Variants in MECOM observed in about 807,000 individuals in gnomAD.
The protein encoded by MECOM is histone-lysine N-methyltransferase MECOM.
MECOM carries 13 observed loss-of-function variants against 116.3 expected under a neutral mutation model. That is an observed-to-expected ratio of 0.11 (90% CI 0.07 to 0.18). The LOEUF is 0.18. Among genes scored for constraint, MECOM ranks in the 10% least tolerant of loss-of-function variants. MECOM has a pLI of 1.00. For missense variants in MECOM, 1,299 were observed against 1,509.0 expected, an observed-to-expected ratio of 0.86 and a Z score of 2.31; for synonymous variants, 528 against 535.2, an observed-to-expected ratio of 0.99 and a Z score of 0.19.
intron 1 of MECOM, among the ~76,000 whole-genome samples, chr3:169,570,427 C>T (rs377752558): frequency 2.0e-5 from 3 of 152,282 alleles, no homozygotes; most frequent in East Asian, 3.9e-4. Context: ...GGAGCTCATA[C>T]CATTCCTTCT....
At chr3:169,258,774 T>G (rs1307697894) in intron 2 of MECOM, among the ~76,000 whole-genome samples, 1 of 152,246 alleles carries the variant, frequency 6.6e-6, no homozygotes, top group African/African-American at 2.4e-5. Flanking sequence ...TACAAACATT[T>G]TAAGTACCTC....
intron 1 of MECOM, among the ~76,000 whole-genome samples, chr3:169,404,588 A>T (rs1736379530): frequency 6.6e-6 from 1 of 152,226 alleles, no homozygotes. Flanking sequence ...TGGAGGGGGA[A>T]GCCCCCCAAG....
In MECOM at chr3:169,143,824, G is replaced by A. The variant is rs149547103; in HGVS notation, c.384C>T (p.Asp128=). ...KDPSYGWEIL[D]EFYNVKFCID... is the part of the protein sequence containing the mutation. ...TGCAGAACTTCACATTGTAAAATTC[G>A]TCTAAGATCTGGAGGGAAGAAGATG... The change falls in exon 3 of 17, where the codon GAC becomes GAT. Residue 128 remains aspartate (D), a synonymous_variant. Transcript: ENST00000651503. The A allele has an allele frequency of 9.3e-4, 1,486 of 1,604,482 alleles. 22 individuals carry two copies. In the Admixed American group the frequency reaches 0.022, roughly 23 times the overall value.
chr3:169,662,085 T>A (rs1487734939), intron 1 of MECOM, among the ~76,000 whole-genome samples: 1 of 152,172 alleles, frequency 6.6e-6, no homozygotes. Context: ...TGGCGGAGCA[T>A]CACACCGTGT....
chr3:169,419,536 G>A (rs552416212), intron 1 of MECOM, among the ~76,000 whole-genome samples: 1 of 152,106 alleles, frequency 6.6e-6, no homozygotes, highest in African/African-American at 2.4e-5. Flanking sequence ...GGTACCAGTG[G>A]CAAAACAGAT....
At chr3:169,510,190 G>C (rs577647349) in intron 1 of MECOM, among the ~76,000 whole-genome samples, 22 of 152,198 alleles carry the variant, frequency 1.4e-4, no homozygotes, top group African/African-American at 5.1e-4. Context: ...CACTGTAATC[G>C]ATTCTCATCA....
At chr3:169,454,423 T>A (rs115355954) in intron 1 of MECOM, among the ~76,000 whole-genome samples, 127 of 150,528 alleles carry the variant, frequency 8.4e-4, no homozygotes, top group African/African-American at 3.0e-3. Context: ...CTTTCTTAGT[T>A]ATATTTACAA....
intron 2 of MECOM, among the ~76,000 whole-genome samples, chr3:169,328,118 T>G (rs911268377): frequency 6.6e-6 from 1 of 152,194 alleles, no homozygotes; most frequent in Admixed American, 6.5e-5. Context: ...TGCACTTTGT[T>G]TGACCCGACT....
At chr3:169,630,141 A>C (rs984758829) in intron 1 of MECOM, among the ~76,000 whole-genome samples, 1 of 152,188 alleles carries the variant, frequency 6.6e-6, no homozygotes, top group South Asian at 2.1e-4. Flanking sequence ...GCTCCCTGTC[A>C]TGACCCCCTG....
intron 1 of MECOM, among the ~76,000 whole-genome samples, chr3:169,600,968 G>A (rs532185252): frequency 1.1e-3 from 175 of 152,276 alleles, no homozygotes; most frequent in Middle Eastern, 6.8e-3. Flanking sequence ...AAGATCCTAG[G>A]ACTGCAGCTA....
At chr3:169,313,521 T>C (rs1225202121) in intron 2 of MECOM, among the ~76,000 whole-genome samples, 1 of 151,972 alleles carries the variant, frequency 6.6e-6, no homozygotes, top group African/African-American at 2.4e-5. Flanking sequence ...CCCATGTACA[T>C]GGAAGGAAAT....
chr3:169,562,548 G>C (rs765474939), intron 1 of MECOM, among the ~76,000 whole-genome samples: 1 of 152,158 alleles, frequency 6.6e-6, no homozygotes, highest in Non-Finnish European at 1.5e-5. Context: ...CTTCAGCTAC[G>C]TGTATTGATG....
At chr3:169,498,716 AC>A (rs1754141625) in intron 1 of MECOM, among the ~76,000 whole-genome samples, 1 of 152,208 alleles carries the variant, frequency 6.6e-6, no homozygotes, top group Non-Finnish European at 1.5e-5. Context: ...ATAAATTTAC[AC>A]AAGAAAATCA....
chr3:169,342,153 A>G (rs376281226), intron 2 of MECOM, among the ~76,000 whole-genome samples: 23 of 152,268 alleles, frequency 1.5e-4, no homozygotes, highest in South Asian at 6.2e-4. Context: ...AGATTTCAGT[A>G]CTTATGCTGT....
intron 2 of MECOM, chr3:169,146,867 AAAT>A (rs1413876236): frequency 7.7e-6 from 8 of 1,032,308 alleles, no homozygotes; most frequent in African/African-American, 1.7e-5. Context: ...AGATGTTTAA[AAAT>A]AATAATAATA....
chr3:169,216,885 G>A lies in MECOM; in HGVS notation c.376-73053C>T, dbSNP rs147966578. On this transcript the variant is annotated intron_variant, in intron 2 of 16. Coordinates refer to ENST00000651503, the MANE Select transcript of MECOM (RefSeq NM_004991.4). Reference sequence around the variant, plus strand: ...AAACAAAAACGCACATTAAGCTATCGCCGTGGCCACCATTTACACGGAGTT... The same window carrying A: ...AAACAAAAACGCACATTAAGCTATCACCGTGGCCACCATTTACACGGAGTT... Among the ~76,000 whole-genome samples the A allele has an allele frequency of 2.7e-3, 389 of 145,316 alleles. 4 individuals carry two copies. The highest frequency in any genetic ancestry group is 9.1e-3 in the African/African-American group (363 of 39,836).
In MECOM at chr3:169,319,420, G is replaced by C. The variant is rs1406051172; in HGVS notation, c.375+61767C>G. Among the ~76,000 whole-genome samples the C allele has an allele frequency of 2.0e-5, 3 of 152,058 alleles. No individual in the cohort carries two copies. The East Asian group carries it at 5.8e-4, about 29-fold the overall frequency. On this transcript the variant is annotated intron_variant, in intron 2 of 16. Transcript: ENST00000651503. ...AAGGGAACACCACACACTGGGGCCT[G>C]TCAGGGGGTGGGGGGTAGGGGAGGG...
chr3:169,187,289 C>T (rs1408418430), intron 2 of MECOM, among the ~76,000 whole-genome samples: 2 of 152,132 alleles, frequency 1.3e-5, no homozygotes, highest in East Asian at 3.9e-4. Context: ...TTTAACCAAA[C>T]GCTATTGAAA....
chr3:169,394,682 T>C (rs1219580812), intron 1 of MECOM, among the ~76,000 whole-genome samples: 1 of 152,124 alleles, frequency 6.6e-6, no homozygotes, highest in Non-Finnish European at 1.5e-5. Context: ...CTCTGGTACA[T>C]ATTATGAGCC....
Sources: gnomAD v4.1 joint callset for allele counts (sites outside exome capture counted in the v4.1 genomes callset) on GRCh38, gnomAD v4.1.1 for gene constraint, MANE v1.5 for transcripts, NCBI Gene and HGNC (gene_info 2026-07-23, HGNC 2026-07-21) for gene names.